Variants in SETD2 observed in about 807,000 individuals in gnomAD.
SETD2 encodes histone-lysine N-methyltransferase SETD2.
SETD2 carries 31 observed loss-of-function variants against 242.1 expected under a neutral mutation model. That is an observed-to-expected ratio of 0.13 (90% CI 0.10 to 0.17). The LOEUF (loss-of-function observed/expected upper bound fraction) is 0.17, where lower values mean the gene tolerates loss of function less well. Among genes scored for constraint, SETD2 ranks in the 10% least tolerant of loss-of-function variants. SETD2 has a pLI of 1.00. For synonymous variants in SETD2, 1,006 were observed against 1,066.5 expected, an observed-to-expected ratio of 0.94 and a Z score of 1.11; for missense variants, 2,481 against 3,046.3, an observed-to-expected ratio of 0.81 and a Z score of 4.37.
At chr3:47,135,332 T>C (rs1281241418) in intron 1 of SETD2, among the ~76,000 whole-genome samples, 1 of 152,224 alleles carries the variant, frequency 6.6e-6, no homozygotes, top group Admixed American at 6.5e-5. Context: ...CTGGAGGCAG[T>C]GGCACAATCT....
At chr3:47,052,341 T>G (rs895059178) in intron 15 of SETD2, among the ~76,000 whole-genome samples, 1 of 152,128 alleles carries the variant, frequency 6.6e-6, no homozygotes, top group Non-Finnish European at 1.5e-5. Flanking sequence ...TCGGCTAATT[T>G]TGTTTACTTT....
chr3:47,130,982 T>TA (rs1559756533), intron 1 of SETD2, among the ~76,000 whole-genome samples: 7 of 151,940 alleles, frequency 4.6e-5, no homozygotes, highest in East Asian at 1.9e-4. Context: ...TGACATGACT[T>TA]AAAAAAAACC....
chr3:47,112,358 T>C (rs554134171), intron 5 of SETD2, among the ~76,000 whole-genome samples: 2 of 152,274 alleles, frequency 1.3e-5, no homozygotes, highest in South Asian at 4.1e-4. Context: ...CTCGGCTCAC[T>C]GCAACCTTCG....
chr3:47,027,860 C>T (rs557448476), intron 18 of SETD2, among the ~76,000 whole-genome samples: 24 of 150,764 alleles, frequency 1.6e-4, no homozygotes, highest in Non-Finnish European at 2.9e-4. Context: ...GGCGCGATCT[C>T]GGCTCACTGC....
At position 47,120,336 on chromosome 3, in the gene SETD2, C is replaced by G. The variant is rs780802861; in HGVS notation, c.4300G>C (p.Gly1434Arg). The G allele has an allele frequency of 6.2e-6, 10 of 1,613,652 alleles. 1 individual carries two copies. Among genetic ancestry groups the G allele is most frequent in the Middle Eastern group, 1.6e-4 (1 of 6,078 alleles). ...GAACCTGGGGGCACTGATGTCTCTCCCTGCTCTACCTCCACTCTAACTTTC... is the reference window on the plus strand; with the variant it reads ...GAACCTGGGGGCACTGATGTCTCTCGCTGCTCTACCTCCACTCTAACTTTC... The part of the protein sequence containing the change: ...RKKVRVEVEQ[G>R]ETSVPPGSAL... The change falls in exon 3 of 21, where the codon GGA becomes CGA. Residue 1434 changes from glycine to arginine, a missense_variant. Gly to Arg is a moderately radical substitution (Grantham distance 125). Transcript: ENST00000409792.
chr3:47,074,780 T>C (rs2040978288), intron 12 of SETD2, among the ~76,000 whole-genome samples: 1 of 152,230 alleles, frequency 6.6e-6, no homozygotes, highest in African/African-American at 2.4e-5. Flanking sequence ...GCTATAGTCT[T>C]ACATGTAATT....
At chr3:47,142,381 C>T (rs1183373932) in intron 1 of SETD2, among the ~76,000 whole-genome samples, 1 of 151,948 alleles carries the variant, frequency 6.6e-6, no homozygotes, top group Non-Finnish European at 1.5e-5. Flanking sequence ...TGATGGTGTG[C>T]GCCTGTAGTC....
At chr3:47,140,747 G>A (rs1427572811) in intron 1 of SETD2, among the ~76,000 whole-genome samples, 5 of 152,164 alleles carry the variant, frequency 3.3e-5, no homozygotes, top group African/African-American at 1.2e-4. Flanking sequence ...TGTAATCCCA[G>A]CTACTCGGGA....
intron 1 of SETD2, chr3:47,145,613 G>T: frequency 3.1e-6 from 1 of 319,268 alleles, no homozygotes; most frequent in Non-Finnish European, 6.6e-6. Context: ...TCCCACTGTG[G>T]CATCATGTCA....
At chr3:47,061,588 T>A (rs936473079) in intron 14 of SETD2, among the ~76,000 whole-genome samples, 1 of 152,192 alleles carries the variant, frequency 6.6e-6, no homozygotes, top group African/African-American at 2.4e-5. Context: ...TCACATTACA[T>A]ACCGAGATAC....
intron 12 of SETD2, among the ~76,000 whole-genome samples, chr3:47,074,719 A>G (rs2040974958): frequency 6.7e-6 from 1 of 149,272 alleles, no homozygotes. Flanking sequence ...AGATATATAC[A>G]CGCCCCTGTT....
Position 47,046,492 on chromosome 3 carries a change from G to C in SETD2, c.7093C>G (p.Gln2365Glu), listed in dbSNP as rs894915057. 1.3e-5 allele frequency: 20 copies of C among 1,595,526 alleles called. No individual in the cohort carries two copies. Among genetic ancestry groups the C allele is most frequent in the Non-Finnish European group, 1.7e-5 (20 of 1,170,198 alleles). Residue 2365 changes from glutamine to glutamate, a missense_variant, in exon 16 of 21, where the codon CAG (glutamine) becomes GAG (glutamate). This residue lies in a region of SETD2 where 235 missense variants were observed against 293.9 expected (regional missense o/e 0.80). Transcript: ENST00000409792. ...IVAPGQPQPL[Q>E]PSEMVVTNNL... ...ACAACTGAAACATTTCTTACTGGCTGCAAGGGCTGAGGCTGCCCTGGTGCA... is the reference window on the plus strand; with the variant it reads ...ACAACTGAAACATTTCTTACTGGCTCCAAGGGCTGAGGCTGCCCTGGTGCA...
chr3:47,163,707 G>A (rs1697577154), intron 1 of SETD2, 147 bp downstream of exon 1: 5 of 597,096 alleles, frequency 8.4e-6, no homozygotes, highest in African/African-American at 6.0e-5. Flanking sequence ...GTGGCGGCGC[G>A]GGCCTGCTCC....
intron 1 of SETD2, among the ~76,000 whole-genome samples, chr3:47,147,006 A>G (rs2043871383): frequency 6.6e-6 from 1 of 151,894 alleles, no homozygotes; most frequent in African/African-American, 2.4e-5. Flanking sequence ...TGAGAGCTGT[A>G]ACATATTTGT....
At chr3:47,151,814 A>G (rs1212343161) in intron 1 of SETD2, among the ~76,000 whole-genome samples, 1 of 143,676 alleles carries the variant, frequency 7.0e-6, no homozygotes, top group Non-Finnish European at 1.5e-5. Flanking sequence ...GAGAGAGACC[A>G]AGACTCTTGT....
In SETD2 at chr3:47,088,149, A is replaced by G; in HGVS notation, c.5241T>C (p.Thr1747=). The change falls in exon 10 of 21, where the codon ACT becomes ACC. Residue 1747 remains threonine (T), a synonymous_variant. Transcript: ENST00000409792. ...CCAGACAGGTAAGTTTCTGCTCCAA[A>G]GTTTCAATTCTAACCATTAGCCGGG... ...SLSRLMVRIE[T]LEQKLTCLEL... The G allele has an allele frequency of 6.2e-7, 1 of 1,613,974 alleles. No homozygotes were observed. The highest frequency in any genetic ancestry group is 1.1e-5 in the South Asian group (1 of 91,076).
intron 1 of SETD2, among the ~76,000 whole-genome samples, chr3:47,138,553 C>T (rs1218340576): frequency 2.6e-5 from 4 of 152,196 alleles, no homozygotes; most frequent in African/African-American, 9.6e-5. Flanking sequence ...TCCCAACTAG[C>T]TGGGATTACA....
intron 5 of SETD2, among the ~76,000 whole-genome samples, chr3:47,109,760 C>T (rs1252405832): frequency 1.3e-5 from 2 of 151,732 alleles, no homozygotes; most frequent in Non-Finnish European, 1.5e-5. Context: ...CCAAGCCAGG[C>T]GGATCACCTG....
chr3:47,147,447 C>G (rs997015731), intron 1 of SETD2, among the ~76,000 whole-genome samples: 1 of 151,566 alleles, frequency 6.6e-6, no homozygotes, highest in East Asian at 2.0e-4. Context: ...CTCAGCCGCC[C>G]GACTAGCTGG....
Sources: gnomAD v4.1 joint callset for allele counts (sites outside exome capture counted in the v4.1 genomes callset) on GRCh38, gnomAD v4.1.1 for gene constraint, gnomAD v4.1.1 regional missense constraint, MANE v1.5 for transcripts, NCBI Gene and HGNC (gene_info 2026-07-23, HGNC 2026-07-21) for gene names.